GRM8: variants seen among roughly 807,000 people sequenced by gnomAD.
The protein encoded by GRM8 is metabotropic glutamate receptor 8.
GRM8 carries 47 observed loss-of-function variants against 87.2 expected under a neutral mutation model. That is an observed-to-expected ratio of 0.54 (90% CI 0.43 to 0.69). The LOEUF is 0.69. GRM8 is among the 30% of genes least tolerant of loss of function. The pLI is 0.00. For synonymous variants in GRM8, 396 were observed against 404.5 expected, an observed-to-expected ratio of 0.98 and a Z score of 0.25; for missense variants, 1,019 against 1,139.2, an observed-to-expected ratio of 0.89 and a Z score of 1.52.
chr7:126,863,836 T>C (rs1798354685), intron 6 of GRM8, among the ~76,000 whole-genome samples: 1 of 152,066 alleles, frequency 6.6e-6, no homozygotes, highest in Non-Finnish European at 1.5e-5. Flanking sequence ...GCATATTTGA[T>C]ATCTTTATTA....
At chr7:127,135,964 A>G (rs1034872721) in intron 2 of GRM8, among the ~76,000 whole-genome samples, 8 of 152,166 alleles carry the variant, frequency 5.3e-5, no homozygotes, top group South Asian at 2.1e-4. Flanking sequence ...ATCAAATTCA[A>G]TTGAAAGACT....
intron 3 of GRM8, among the ~76,000 whole-genome samples, chr7:126,973,600 C>T (rs1810652248): frequency 6.6e-6 from 1 of 152,132 alleles, no homozygotes; most frequent in South Asian, 2.1e-4. Context: ...ATATTTATAA[C>T]CAATGGTGTG....
chr7:127,183,636 A>T (rs1193996227), intron 2 of GRM8, among the ~76,000 whole-genome samples: 1 of 151,882 alleles, frequency 6.6e-6, no homozygotes, highest in Non-Finnish European at 1.5e-5. Context: ...AACTAGAGAA[A>T]AAGAACAATT....
At chr7:126,797,592 G>C (rs149211228) in intron 6 of GRM8, among the ~76,000 whole-genome samples, 180 of 152,092 alleles carry the variant, frequency 1.2e-3, no homozygotes, top group African/African-American at 3.8e-3. Context: ...GAAGTGAAAG[G>C]CTGCTCCAAT....
intron 7 of GRM8, among the ~76,000 whole-genome samples, chr7:126,644,311 G>A (rs529245499): frequency 6.6e-6 from 1 of 152,118 alleles, no homozygotes; most frequent in Non-Finnish European, 1.5e-5. Context: ...ATTATAATTT[G>A]GTTGGGTTTT....
chr7:126,778,458 T>TGTATC (rs1467147148), intron 6 of GRM8, among the ~76,000 whole-genome samples: 3 of 151,820 alleles, frequency 2.0e-5, no homozygotes, highest in Admixed American at 2.0e-4. Flanking sequence ...AGATTAAGAG[T>TGTATC]GTATCTTCAG....
rs527758262 is a variant in GRM8, at chr7:127,197,693, C to T, written c.510+45002G>A. Among the ~76,000 whole-genome samples the T allele has an allele frequency of 7.2e-5, 11 of 151,934 alleles. No homozygotes were observed. In the East Asian group the frequency reaches 1.9e-3, roughly 27 times the overall value. ...CAAACCAGGGATTTCTTTGATATTG[C>T]CCATTTGTTTGTGAGAACAAAGTAA... On this transcript the variant is annotated intron_variant, in intron 2 of 10. Transcript: ENST00000339582.
chr7:126,518,546 T>A (rs988154997), intron 9 of GRM8, among the ~76,000 whole-genome samples: 1 of 152,068 alleles, frequency 6.6e-6, no homozygotes, highest in African/African-American at 2.4e-5. Flanking sequence ...TATCAATAGA[T>A]ACCCCATAGG....
At chr7:127,077,410 C>T (rs1301852189) in intron 3 of GRM8, among the ~76,000 whole-genome samples, 1 of 152,194 alleles carries the variant, frequency 6.6e-6, no homozygotes, top group Admixed American at 6.5e-5. Context: ...TGAACTTCCC[C>T]CAAATTGCTG....
At chr7:126,766,333 G>A (rs997539368) in intron 7 of GRM8, among the ~76,000 whole-genome samples, 20 of 152,062 alleles carry the variant, frequency 1.3e-4, no homozygotes, top group Non-Finnish European at 1.2e-4. Flanking sequence ...CACCGATAAC[G>A]TGGTTTTACT....
At chr7:126,513,596 G>A (rs546333630) in intron 9 of GRM8, among the ~76,000 whole-genome samples, 2 of 152,026 alleles carry the variant, frequency 1.3e-5, no homozygotes, top group East Asian at 1.9e-4. Flanking sequence ...TTCCACTTCC[G>A]GTTGCTCTAC....
chr7:126,514,499 CTG>C (rs1177775224), intron 9 of GRM8, among the ~76,000 whole-genome samples: 2 of 152,040 alleles, frequency 1.3e-5, no homozygotes, highest in African/African-American at 2.4e-5. Context: ...CTTTGTATAA[CTG>C]TGGTCAAAGT....
intron 8 of GRM8, among the ~76,000 whole-genome samples, chr7:126,603,962 C>G (rs770739304): frequency 4.0e-5 from 6 of 151,366 alleles, no homozygotes; most frequent in Non-Finnish European, 7.4e-5. Context: ...AGCTGTTCCT[C>G]TATGAAATTA....
At chr7:126,946,829 G>A (rs1335050676) in intron 3 of GRM8, among the ~76,000 whole-genome samples, 16 of 152,188 alleles carry the variant, frequency 1.1e-4, no homozygotes, top group Admixed American at 1.0e-3. Context: ...ACATTCATCA[G>A]ATGTAAAATT....
intron 6 of GRM8, among the ~76,000 whole-genome samples, chr7:126,797,192 T>G (rs1822049090): frequency 6.6e-6 from 1 of 152,142 alleles, no homozygotes; most frequent in Admixed American, 6.6e-5. Flanking sequence ...TATTCATGGC[T>G]TATAATTATC....
intron 1 of GRM8, among the ~76,000 whole-genome samples, chr7:127,247,116 G>A (rs953893736): frequency 1.3e-5 from 2 of 152,340 alleles, no homozygotes; most frequent in African/African-American, 4.8e-5. Context: ...ATATTAATTA[G>A]GAAGGGACAA....
At chr7:126,597,736 A>T (rs1485345343) in intron 8 of GRM8, among the ~76,000 whole-genome samples, 2 of 152,004 alleles carry the variant, frequency 1.3e-5, no homozygotes, top group Non-Finnish European at 2.9e-5. Context: ...AAGCAGCATC[A>T]CTTTCTTTGA....
chr7:127,243,640 T>TACGGCGA, intron 1 of GRM8, 125 bp from the exon 2 acceptor site: 1 of 160,074 alleles, frequency 6.2e-6, no homozygotes, highest in Non-Finnish European at 1.4e-5. Context: ...ATTCTTTTTG[T>TACGGCGA]CCCCCTGTGA....
chr7:127,093,495 C>T (rs1031674736), intron 3 of GRM8, among the ~76,000 whole-genome samples: 1 of 152,156 alleles, frequency 6.6e-6, no homozygotes, highest in Non-Finnish European at 1.5e-5. Flanking sequence ...TCTGAACAAC[C>T]CTATTTCCCT....
Sources: gnomAD v4.1 joint callset for allele counts (sites outside exome capture counted in the v4.1 genomes callset) on GRCh38, gnomAD v4.1.1 for gene constraint, MANE v1.5 for transcripts, NCBI Gene and HGNC (gene_info 2026-07-23, HGNC 2026-07-21) for gene names.